The following ADAMTS19 variants were observed in gnomAD, a reference collection of about 807,000 sequenced individuals.
ADAMTS19 encodes the protein A disintegrin and metalloproteinase with thrombospondin motifs 19.
A neutral mutation model predicts 153.3 loss-of-function variants in ADAMTS19; 93 were observed. The ratio of observed to expected loss-of-function variants is 0.61; its 90% CI spans 0.51 to 0.72. The LOEUF (loss-of-function observed/expected upper bound fraction) is 0.72. Ranked by LOEUF, ADAMTS19 falls within the 30% of genes least tolerant of loss-of-function variation. ADAMTS19 has a pLI of 0.00. For missense variants in ADAMTS19, 1,482 were observed against 1,552.1 expected (o/e 0.95, Z 0.76); for synonymous variants, 600 against 556.6 (o/e 1.08, Z -1.10).
chr5:129,704,466 A>C, intron 21 of ADAMTS19, 75 bp downstream of exon 21: 2 of 1,512,260 alleles, frequency 1.3e-6, no homozygotes, highest in Non-Finnish European at 1.8e-6. Context: ...ATAACCACAT[A>C]GCATGGAGTT....
chr5:129,645,329 T>C (rs1314673747), intron 11 of ADAMTS19, among the ~76,000 whole-genome samples: 2 of 152,184 alleles, frequency 1.3e-5, no homozygotes, highest in South Asian at 2.1e-4. Context: ...GAAAGCATCA[T>C]TGGGATTATT....
In ADAMTS19 at chr5:129,679,881, T is replaced by G. The variant is rs756572831; in HGVS notation, c.2624T>G (p.Ile875Ser). The change falls in exon 17 of 23, where the codon ATC becomes AGC. Residue 875 changes from isoleucine to serine, a missense_variant. Around this residue, in one of 2 missense-constraint regions of ADAMTS19, gnomAD observed 616 missense variants for 724.4 expected, o/e 0.85. Transcript: ENST00000274487. ...HYVRRGLWEK[I>S]SAKGPTTAPL... ...GTAAGACGAGGCCTCTGGGAGAAGA[T>G]CTCTGCCAAAGGTCCTACTACAGCA... 1 of 1,614,088 alleles carries G rather than the reference T, an allele frequency of 6.2e-7. No individual in the cohort carries two copies. The highest frequency in any genetic ancestry group is 8.5e-7 in the Non-Finnish European group (1 of 1,179,974).
intron 18 of ADAMTS19, among the ~76,000 whole-genome samples, chr5:129,687,026 C>T (rs1755126353): frequency 6.6e-6 from 1 of 152,050 alleles, no homozygotes; most frequent in Non-Finnish European, 1.5e-5. Flanking sequence ...CTGCTCCACT[C>T]ATCCTACACT....
chr5:129,624,822 T>G (rs1751950644), intron 10 of ADAMTS19, among the ~76,000 whole-genome samples: 1 of 152,206 alleles, frequency 6.6e-6, no homozygotes, highest in Non-Finnish European at 1.5e-5. Flanking sequence ...TATTTTATGA[T>G]GTAATTTGAC....
chr5:129,624,282 T>C (rs1043142637), intron 10 of ADAMTS19, among the ~76,000 whole-genome samples: 10 of 152,196 alleles, frequency 6.6e-5, no homozygotes, highest in East Asian at 3.9e-4. Flanking sequence ...AATTATGACA[T>C]TGGTTCTGTA....
rs150196643 is a variant in ADAMTS19 at position 129,477,586 on chromosome 5, G to C, written c.747+15829G>C. Among the ~76,000 whole-genome samples the C allele has an allele frequency of 3.8e-3, 571 of 152,248 alleles. 6 individuals carry two copies. The highest frequency in any genetic ancestry group is 2.5e-3 in the Non-Finnish European group (168 of 67,996). Reference sequence around the variant, plus strand: ...TGGAGTAACATACTAAAGCATCCTTGGGGACACCCTAACACTGCACATTAA... The same window carrying C: ...TGGAGTAACATACTAAAGCATCCTTCGGGACACCCTAACACTGCACATTAA... On this transcript the variant is annotated intron_variant, in intron 2 of 22. Transcript: ENST00000274487.
chr5:129,697,578 A>G (rs1755618309), intron 19 of ADAMTS19, among the ~76,000 whole-genome samples: 1 of 152,252 alleles, frequency 6.6e-6, no homozygotes, highest in South Asian at 2.1e-4. Context: ...TTTTCAGCCT[A>G]ACTGCATAAG....
At chr5:129,480,534 C>A (rs1750372234) in intron 2 of ADAMTS19, among the ~76,000 whole-genome samples, 1 of 152,026 alleles carries the variant, frequency 6.6e-6, no homozygotes. Context: ...ATGTAAAGAA[C>A]TATCTTCATT....
At chr5:129,710,822 AAGTAACT>A (rs2127179720) in intron 21 of ADAMTS19, among the ~76,000 whole-genome samples, 1 of 152,314 alleles carries the variant, frequency 6.6e-6, no homozygotes, top group East Asian at 1.9e-4. Context: ...GAATATACTG[AAGTAACT>A]GACTAGATAA....
chr5:129,567,028 G>A (rs1294832257), intron 7 of ADAMTS19, among the ~76,000 whole-genome samples: 1 of 152,094 alleles, frequency 6.6e-6, no homozygotes, highest in Non-Finnish European at 1.5e-5. Context: ...GGAGAGGGAA[G>A]GGCTTAGGAA....
chr5:129,647,064 C>T (rs1753094695), intron 11 of ADAMTS19, among the ~76,000 whole-genome samples: 1 of 151,994 alleles, frequency 6.6e-6, no homozygotes, highest in African/African-American at 2.4e-5. Context: ...ACTTCTTTCT[C>T]TTATTCCAGT....
chr5:129,702,941 A>ATATAT (rs1554108030), intron 20 of ADAMTS19, among the ~76,000 whole-genome samples: 5 of 29,306 alleles, frequency 1.7e-4, no homozygotes, highest in East Asian at 1.3e-3. Flanking sequence ...AAAAAAAAAA[A>ATATAT]ATATATATAT....
At chr5:129,694,476 GATAA>G (rs1386941674) in intron 18 of ADAMTS19, among the ~76,000 whole-genome samples, 1 of 151,746 alleles carries the variant, frequency 6.6e-6, no homozygotes, top group African/African-American at 2.4e-5. Context: ...CTAGCATAAA[GATAA>G]ATATTTAAAT....
chr5:129,509,606 C>T (rs1401779890), intron 3 of ADAMTS19, among the ~76,000 whole-genome samples: 2 of 151,986 alleles, frequency 1.3e-5, no homozygotes, highest in Non-Finnish European at 2.9e-5. Context: ...ATTTAGTCCA[C>T]CTCTGTGAAA....
intron 8 of ADAMTS19, among the ~76,000 whole-genome samples, chr5:129,616,139 A>G (rs999031491): frequency 7.2e-5 from 11 of 152,022 alleles, no homozygotes; most frequent in Admixed American, 2.6e-4. Flanking sequence ...GACTTAAAAT[A>G]TAAAAGGAAA....
chr5:129,622,018 C>T (rs531601782), intron 9 of ADAMTS19, among the ~76,000 whole-genome samples, 180 bp from the exon 10 acceptor site: 95 of 152,130 alleles, frequency 6.2e-4, no homozygotes, highest in African/African-American at 1.8e-3. Context: ...TTATTTATTA[C>T]GATTATCTTC....
chr5:129,519,913 C>G (rs1252041051), intron 3 of ADAMTS19, among the ~76,000 whole-genome samples: 1 of 152,076 alleles, frequency 6.6e-6, no homozygotes, highest in Non-Finnish European at 1.5e-5. Context: ...AATTCATACT[C>G]TTCAGCTAGG....
chr5:129,542,843 A>T (rs1052950586), intron 6 of ADAMTS19, among the ~76,000 whole-genome samples: 8 of 152,154 alleles, frequency 5.3e-5, no homozygotes, highest in African/African-American at 1.9e-4. Context: ...TTAATAATTT[A>T]CCAAAAAATG....
chr5:129,494,050 A>G (rs1443059958), intron 2 of ADAMTS19, among the ~76,000 whole-genome samples: 1 of 152,156 alleles, frequency 6.6e-6, no homozygotes, highest in Admixed American at 6.5e-5. Flanking sequence ...TTAAAATTAT[A>G]AAGTCCGTAT....
Sources: gnomAD v4.1 joint callset for allele counts (sites outside exome capture counted in the v4.1 genomes callset) on GRCh38, gnomAD v4.1.1 for gene constraint, gnomAD v4.1.1 regional missense constraint, MANE v1.5 for transcripts, NCBI Gene and HGNC (gene_info 2026-07-23, HGNC 2026-07-21) for gene names.